The following DNMBP variants were observed in gnomAD, a reference collection of about 807,000 sequenced individuals.
The protein encoded by DNMBP is dynamin-binding protein.
A neutral mutation model predicts 150.0 loss-of-function variants in DNMBP; 87 were observed. The observed-to-expected ratio is 0.58, with a 90% confidence interval of 0.49 to 0.69. DNMBP has a LOEUF of 0.69. DNMBP is among the 30% of genes least tolerant of loss of function. DNMBP has a pLI of 0.00. For missense variants in DNMBP, 1,774 were observed against 1,949.0 expected, an observed-to-expected ratio of 0.91 and a Z score of 1.69; for synonymous variants, 711 against 750.4, an observed-to-expected ratio of 0.95 and a Z score of 0.86.
chr10:99,908,910 G>T, intron 5 of DNMBP, 43 bp downstream of exon 5: 2 of 1,557,002 alleles, frequency 1.3e-6, no homozygotes, highest in Non-Finnish European at 1.8e-6. Flanking sequence ...TGGCCTGGAG[G>T]ACCATATTCA....
chr10:99,988,422 A>G (rs374105705), intron 1 of DNMBP, among the ~76,000 whole-genome samples: 8 of 152,158 alleles, frequency 5.3e-5, no homozygotes, highest in East Asian at 1.9e-4. Flanking sequence ...AAGGGCTCCA[A>G]TGATACCTAA....
At chr10:99,953,194 G>A (rs7906505) in intron 4 of DNMBP, among the ~76,000 whole-genome samples, 47,855 of 151,952 alleles carry the variant, frequency 0.31, 7,597 homozygotes, top group Non-Finnish European at 0.33. Context: ...GTGAACTATA[G>A]TTGTTAGAAA....
At chr10:100,004,716 C>T (rs1468520592) in intron 1 of DNMBP, among the ~76,000 whole-genome samples, 1 of 152,086 alleles carries the variant, frequency 6.6e-6, no homozygotes, top group Non-Finnish European at 1.5e-5. Context: ...ACTCCAAAAA[C>T]ATAAACCGCA....
intron 15 of DNMBP, among the ~76,000 whole-genome samples, chr10:99,881,742 CCT>C (rs1398931210): frequency 6.6e-6 from 1 of 152,198 alleles, no homozygotes; most frequent in Non-Finnish European, 1.5e-5. Flanking sequence ...CAGGCTCCAT[CCT>C]CTGTCCTTCG....
intron 1 of DNMBP, among the ~76,000 whole-genome samples, chr10:99,987,951 C>A (rs185549259): frequency 1.3e-5 from 2 of 152,280 alleles, no homozygotes; most frequent in African/African-American, 4.8e-5. Context: ...GTCCTAGAGA[C>A]TCCACAGACT....
At chr10:99,971,873 TA>T in intron 2 of DNMBP, 106 bp downstream of exon 2, 24 of 938,976 alleles carry the variant, frequency 2.6e-5, no homozygotes, top group South Asian at 9.9e-5. Context: ...TTTTTTTTTT[TA>T]AGACAGGGTC....
chr10:99,876,404 A>AAGG lies in DNMBP; in HGVS notation c.*746_*747insCCT, dbSNP rs1491340900. On this transcript the variant is annotated 3_prime_UTR_variant, in exon 17 of 17. Coordinates refer to ENST00000324109, the MANE Select transcript of DNMBP (RefSeq NM_015221.4). ...AGCAAGACCCCATCTCAAAAAAAAA[A>AAGG]GCGGGGGGGCAGTGATTGTACCTAA... is the stretch of plus-strand genomic sequence containing the variant. The AAGG allele has an allele frequency of 8.0e-5, 11 of 136,686 alleles. No individual in the cohort carries two copies. The highest frequency in any genetic ancestry group is 2.8e-4 in the African/African-American group (10 of 35,282). The allele number at this position is 136,686 out of a possible 1,614,324, so 8.5% of individuals were successfully genotyped here.
chr10:99,899,729 A>C (rs1564724029), intron 7 of DNMBP, 190 bp downstream of exon 7: 1 of 678,246 alleles, frequency 1.5e-6, no homozygotes, highest in Non-Finnish European at 2.5e-6. Context: ...TGATAACGCT[A>C]ACCTAATACT....
chr10:99,927,639 G>T (rs750131524), intron 4 of DNMBP, among the ~76,000 whole-genome samples: 10 of 152,176 alleles, frequency 6.6e-5, no homozygotes, highest in Non-Finnish European at 1.5e-5. Flanking sequence ...ACGTTAGAAT[G>T]CTGAAAGATT....
chr10:99,921,310 C>T (rs1031047418), intron 4 of DNMBP, among the ~76,000 whole-genome samples: 1 of 152,218 alleles, frequency 6.6e-6, no homozygotes, highest in Non-Finnish European at 1.5e-5. Context: ...CCTTGGATTG[C>T]TCTTTCCTCG....
intron 4 of DNMBP, among the ~76,000 whole-genome samples, chr10:99,937,312 A>G (rs1252630673): frequency 6.6e-6 from 1 of 152,126 alleles, no homozygotes; most frequent in African/African-American, 2.4e-5. Flanking sequence ...GGCAGCTACC[A>G]TGTTTTCAGT....
chr10:99,938,172 T>C (rs2040254815), intron 4 of DNMBP, among the ~76,000 whole-genome samples: 3 of 152,136 alleles, frequency 2.0e-5, no homozygotes, highest in African/African-American at 7.2e-5. Flanking sequence ...GCTAGCAAGA[T>C]AAGAAAAATA....
intron 4 of DNMBP, among the ~76,000 whole-genome samples, chr10:99,918,861 C>G (rs1554863610): frequency 6.6e-6 from 1 of 152,172 alleles, no homozygotes; most frequent in Non-Finnish European, 1.5e-5. Context: ...CACATAAATC[C>G]TAGCATGGTA....
chr10:99,896,322 T>TTGA lies in DNMBP; in HGVS notation c.2993_2995dup (p.Ile998dup). The TTGA allele has an allele frequency of 6.2e-7, 1 of 1,614,206 alleles. No homozygotes were observed. Among genetic ancestry groups the TTGA allele is most frequent in the Non-Finnish European group, 8.5e-7 (1 of 1,180,036 alleles). On this transcript the variant is annotated inframe_insertion, in exon 10 of 17. Transcript: ENST00000324109. Reference sequence around the variant, plus strand: ...GTGACTGCTAACTCGGTTGGATTTCTTGATGATGGAGTGGATGTTCAGTTT... The same window carrying TTGA: ...GTGACTGCTAACTCGGTTGGATTTCTTGATGATGATGGAGTGGATGTTCAGTTT...
In DNMBP at chr10:99,956,925, A is replaced by G. The variant is rs1258572595; in HGVS notation, c.549T>C (p.Phe183=). The G allele has an allele frequency of 6.2e-7, 1 of 1,614,176 alleles. No homozygotes were observed. Among genetic ancestry groups the G allele is most frequent in the Non-Finnish European group, 8.5e-7 (1 of 1,180,038 alleles). Residue 183 remains phenylalanine (F), a synonymous_variant, in exon 4 of 17, where the codon TTT becomes TTC. Transcript: ENST00000324109. Reference sequence around the variant, plus strand: ...CTCTTCGGCCCTCTAACTCCCCTTCAAACCAGCCTGGTTCAGGAACTCCAA... The same window carrying G: ...CTCTTCGGCCCTCTAACTCCCCTTCGAACCAGCCTGGTTCAGGAACTCCAA... ...TIIGVPEPGW[F]EGELEGRRGI... is the part of the protein sequence containing the mutation.
At chr10:99,971,217 A>G (rs1667709130) in intron 2 of DNMBP, among the ~76,000 whole-genome samples, 1 of 151,886 alleles carries the variant, frequency 6.6e-6, no homozygotes, top group Non-Finnish European at 1.5e-5. Flanking sequence ...ATCTTCCCCT[A>G]ACTGGTAGAG....
At chr10:99,953,825 G>GAAAAAGA (rs2040450660) in intron 4 of DNMBP, among the ~76,000 whole-genome samples, 5 of 61,912 alleles carry the variant, frequency 8.1e-5, no homozygotes, top group Non-Finnish European at 1.6e-4. Flanking sequence ...AAAAAAAAAA[G>GAAAAAGA]AAAAAAAAGA....
intron 1 of DNMBP, 82 bp downstream of exon 1, chr10:100,009,756 T>G (rs1317314276): frequency 6.7e-6 from 1 of 149,374 alleles, no homozygotes; most frequent in Non-Finnish European, 1.5e-5. Flanking sequence ...GGGGTGCGGG[T>G]CCCCTCCGCC....
At chr10:99,959,185 T>G (rs925693072) in intron 3 of DNMBP, among the ~76,000 whole-genome samples, 1 of 152,246 alleles carries the variant, frequency 6.6e-6, no homozygotes. Context: ...ATACTTATTT[T>G]TCATAAAAAT....
Sources: gnomAD v4.1 joint callset for allele counts (sites outside exome capture counted in the v4.1 genomes callset) on GRCh38, gnomAD v4.1.1 for gene constraint, MANE v1.5 for transcripts, NCBI Gene and HGNC (gene_info 2026-07-23, HGNC 2026-07-21) for gene names.